CD209: variants seen among roughly 807,000 people sequenced by gnomAD.
The protein encoded by CD209 is CD209 molecule, also known as CD209 antigen.
A neutral mutation model predicts 44.7 loss-of-function variants in CD209; 31 were observed. The observed-to-expected ratio is 0.69, with a 90% CI of 0.52 to 0.94. The LOEUF (loss-of-function observed/expected upper bound fraction) is 0.94. CD209 is among the 40% of genes least tolerant of loss of function. CD209 has a pLI of 0.00. For synonymous variants in CD209, 173 were observed against 181.3 expected, an observed-to-expected ratio of 0.95 and a Z score of 0.37; for missense variants, 407 against 452.4, an observed-to-expected ratio of 0.90 and a Z score of 0.91.
chr19:7,741,474 G>C lies in CD209; in HGVS notation c.*1565C>G. 2 of 489,992 alleles carry C rather than the reference G, an allele frequency of 4.1e-6. No individual in the cohort carries two copies. Among genetic ancestry groups the C allele is most frequent in the Admixed American group, 5.2e-5 (2 of 38,308 alleles). 30.4% of individuals were successfully genotyped at this position (489,992 alleles called of 1,614,324 possible). Reference sequence around the variant, plus strand: ...GCCACTGCACTCCAGCCTGGCGACAGAGCAAGACCCCATCTTTAAAAAAAA... The same window carrying C: ...GCCACTGCACTCCAGCCTGGCGACACAGCAAGACCCCATCTTTAAAAAAAA... On this transcript the variant is annotated 3_prime_UTR_variant, in exon 7 of 7. Transcript: ENST00000315599.
Position 7,745,982 on chromosome 19 carries a change from G to T in CD209, c.284C>A (p.Ser95Tyr). The T allele has an allele frequency of 1.2e-6, 2 of 1,614,218 alleles. No individual in the cohort carries two copies. Among genetic ancestry groups the T allele is most frequent in the Non-Finnish European group, 1.7e-6 (2 of 1,180,036 alleles). Residue 95 changes from serine to tyrosine, a missense_variant, in exon 4 of 7, where the codon TCC becomes TAC. Physicochemically the swap from Ser to Tyr is moderately radical, Grantham distance 144. Around this residue, in one of 3 missense-constraint regions of CD209, gnomAD observed 122 missense variants for 110.3 expected, o/e 1.11. Transcript: ENST00000315599. ...KAAVGELSEK[S>Y]KLQEIYQELT... ...CTCCTGGTAGATCTCCTGCAGCTTG[G>T]ATTTCTCTGAGAGCTCACCCACTGC...
rs1206122617 is a variant in CD209 at position 7,745,514 on chromosome 19, T to C, written c.748+4A>G. On this transcript the variant is annotated splice_donor_region_variant and intron_variant, in intron 4 of 6. Transcript: ENST00000315599. ...CCCAAGAAGCCCTGGTTCCAGATACTCACCCACTGCAGCCTTCAGCTGGGT... is the reference window on the plus strand; with the variant it reads ...CCCAAGAAGCCCTGGTTCCAGATACCCACCCACTGCAGCCTTCAGCTGGGT... 2.5e-6 allele frequency: 4 copies of C among 1,612,298 alleles called. No homozygotes were observed. Among genetic ancestry groups the C allele is most frequent in the Non-Finnish European group, 3.4e-6 (4 of 1,179,838 alleles).
intron 5 of CD209, 96 bp downstream of exon 5, chr19:7,744,845 A>C: frequency 2.0e-6 from 3 of 1,522,392 alleles, no homozygotes; most frequent in Non-Finnish European, 2.7e-6. Flanking sequence ...CAAGTGGAGC[A>C]AAACCCCTCT....
In CD209 at chr19:7,743,119, T is replaced by C; in HGVS notation, c.1135A>G (p.Lys379Glu). 1 of 1,614,178 alleles carries C rather than the reference T, an allele frequency of 6.2e-7. No homozygotes were observed. The highest frequency in any genetic ancestry group is 8.5e-7 in the Non-Finnish European group (1 of 1,180,032). ...TCCCTGGAGCAGGAGGCTGCGGACT[T>C]TTTGCAGATCCAGAATTTGGCAAGA... ...CNLAKFWICK[K>E]SAASCSRDEE... The change falls in exon 7 of 7, where the codon AAG (lysine) becomes GAG (glutamate). Residue 379 changes from lysine (K) to glutamate (E), a missense_variant. Transcript: ENST00000315599.
rs1176827900 is a variant in CD209 at position 7,743,078 on chromosome 19, AAG to A, written c.1174_1175del (p.Leu392PhefsTer78). The A allele has an allele frequency of 1.2e-6, 2 of 1,613,940 alleles. No homozygotes were observed. Among genetic ancestry groups the A allele is most frequent in the Non-Finnish European group, 1.7e-6 (2 of 1,179,966 alleles). ...GGTTTGGGGTGGCAGGGGCTGGAGA[AAG>A]AAACTGTTCTTCATCCCTGGAGCAG... The part of the protein sequence containing the change: ...ASCSRDEEQF[L>X]SPAPATPNPP... On this transcript the variant is annotated frameshift_variant, in exon 7 of 7. Coordinates refer to ENST00000315599, the MANE Select transcript of CD209 (RefSeq NM_021155.4). LOFTEE classifies it low-confidence loss of function (END_TRUNC).
At position 7,745,990 on chromosome 19, in the gene CD209, T is replaced by G. The variant is rs1179633527; in HGVS notation, c.276A>C (p.Ser92=). The G allele has an allele frequency of 3.1e-6, 5 of 1,614,112 alleles. No homozygotes were observed. Among genetic ancestry groups the G allele is most frequent in the Non-Finnish European group, 4.2e-6 (5 of 1,180,044 alleles). ...AGATCTCCTGCAGCTTGGATTTCTC[T>G]GAGAGCTCACCCACTGCAGCTTTAA... ...TQLKAAVGEL[S]EKSKLQEIYQ... is the part of the protein sequence containing the mutation. The change falls in exon 4 of 7, where the codon TCA becomes TCC. Residue 92 remains serine, a synonymous_variant. Coordinates refer to ENST00000315599, the MANE Select transcript of CD209 (RefSeq NM_021155.4).
Position 7,741,754 on chromosome 19 carries a change from C to A in CD209, c.*1285G>T. On this transcript the variant is annotated 3_prime_UTR_variant, in exon 7 of 7. Transcript: ENST00000315599. ...AACAATGTCCAAGAGGAAAACACTG[C>A]AACTTTCTTCAGGTGTTGAGAAATC... The A allele has an allele frequency of 1.8e-6, 1 of 560,582 alleles. No individual in the cohort carries two copies. Among genetic ancestry groups the A allele is most frequent in the South Asian group, 1.5e-5 (1 of 66,546 alleles). 34.7% of individuals were successfully genotyped at this position (560,582 alleles called of 1,614,324 possible).
chr19:7,742,892 AG>A lies in CD209; in HGVS notation c.*146del. ...GGGCCAGAAAAACAAGCTCTACACC[AG>A]GGGAAATTGGAGGCATGACAAGAAG... On this transcript the variant is annotated 3_prime_UTR_variant, in exon 7 of 7. Coordinates refer to ENST00000315599, the MANE Select transcript of CD209 (RefSeq NM_021155.4). 1.5e-6 allele frequency: 1 copy of A among 688,958 alleles called. No homozygotes were observed. Among genetic ancestry groups the A allele is most frequent in the East Asian group, 2.6e-5 (1 of 38,592 alleles). 42.7% of individuals were successfully genotyped at this position (688,958 alleles called of 1,614,324 possible). A position where few individuals can be genotyped will look rare whatever the true frequency, so the allele number is the denominator to read the frequency against.
chr19:7,743,048 A>C lies in CD209; in HGVS notation c.1206T>G (p.Pro402=), dbSNP rs1259499176. 3.8e-6 allele frequency: 6 copies of C among 1,591,474 alleles called. No individual in the cohort carries two copies. Among genetic ancestry groups the C allele is most frequent in the Non-Finnish European group, 5.1e-6 (6 of 1,165,624 alleles). Residue 402 remains proline, a synonymous_variant, in exon 7 of 7, where the codon CCT becomes CCG. Transcript: ENST00000315599. ...AGGGGGTGAAGTTCTGCTACGCAGG[A>C]GGGGGGTTTGGGGTGGCAGGGGCTG... ...LSPAPATPNP[P]PA
chr19:7,744,946 C>T lies in CD209; in HGVS notation c.895G>A (p.Glu299Lys), dbSNP rs773126419. ...AQLVVIKSAEEQNFLQLQSSR... is the reference protein window; with the variant it reads ...AQLVVIKSAEKQNFLQLQSSR... Reference sequence around the variant, plus strand: ...GGGACCCCCACCAGGTGTACCTGCTCCTCAGCACTTTTGATTACGACGAGC... The same window carrying T: ...GGGACCCCCACCAGGTGTACCTGCTTCTCAGCACTTTTGATTACGACGAGC... Residue 299 changes from glutamate (E) to lysine (K), a missense_variant, in exon 5 of 7, where the codon GAG becomes AAG. Physicochemically the swap from Glu to Lys is moderately conservative, Grantham distance 56. Transcript: ENST00000315599. The T allele has an allele frequency of 1.2e-6, 2 of 1,614,204 alleles. No homozygotes were observed. The highest frequency in any genetic ancestry group is 1.7e-6 in the Non-Finnish European group (2 of 1,180,022).
chr19:7,742,723 T>G lies in CD209; in HGVS notation c.*316A>C. On this transcript the variant is annotated 3_prime_UTR_variant, in exon 7 of 7. Transcript: ENST00000315599. The stretch of plus-strand genomic sequence containing the variant: ...TGAACAGATGGTAGGTTTGCATGTA[T>G]AAGATAACGCCCCAGGGGACATAGC... 8.2e-6 allele frequency: 3 copies of G among 366,786 alleles called. No homozygotes were observed. Among genetic ancestry groups the G allele is most frequent in the Non-Finnish European group, 1.5e-5 (3 of 198,320 alleles). 22.7% of individuals were successfully genotyped at this position (366,786 alleles called of 1,614,324 possible). A position where few individuals can be genotyped will look rare whatever the true frequency, so the allele number is the denominator to read the frequency against.
rs774079703 is a variant in CD209 at position 7,743,196 on chromosome 19, T to G, written c.1058A>C (p.Glu353Ala). Residue 353 changes from glutamate (E) to alanine (A), a missense_variant, in exon 7 of 7, where the codon GAG becomes GCG. Transcript: ENST00000315599. ...GCCACTAAATTCCGCGCAGTCTTCCTCCCCAACGTTGTTGGGCTCTCCTCT... is the reference window on the plus strand; with the variant it reads ...GCCACTAAATTCCGCGCAGTCTTCCGCCCCAACGTTGTTGGGCTCTCCTCT... ...WNRGEPNNVG[E>A]EDCAEFSGNG... The G allele has an allele frequency of 1.9e-4, 299 of 1,613,990 alleles. No homozygotes were observed. The highest frequency in any genetic ancestry group is 2.4e-4 in the Non-Finnish European group (284 of 1,180,004).
chr19:7,747,061 C>T (rs2033860785), intron 2 of CD209, among the ~76,000 whole-genome samples: 1 of 152,006 alleles, frequency 6.6e-6, no homozygotes, highest in African/African-American at 2.4e-5. Context: ...CCCACCTCCC[C>T]AGGACCCAGG....
Position 7,745,925 on chromosome 19 carries a change from A to G in CD209, c.341T>C (p.Leu114Pro). 2 of 1,612,540 alleles carry G rather than the reference A, an allele frequency of 1.2e-6. No individual in the cohort carries two copies. Among genetic ancestry groups the G allele is most frequent in the Non-Finnish European group, 1.7e-6 (2 of 1,179,536 alleles). ...LTQLKAAVGE[L>P]PEKSKLQEIY... ...CTCCTGCAGCTTAGATTTCTCTGGAAGCTCACCCACTGCAGCCTTCAGCTG... is the reference window on the plus strand; with the variant it reads ...CTCCTGCAGCTTAGATTTCTCTGGAGGCTCACCCACTGCAGCCTTCAGCTG... The change falls in exon 4 of 7, where the codon CTT becomes CCT. Residue 114 changes from leucine (L) to proline (P), a missense_variant. Around this residue, in one of 3 missense-constraint regions of CD209, gnomAD observed 85 missense variants for 139.9 expected, o/e 0.61. Coordinates refer to ENST00000315599, the MANE Select transcript of CD209 (RefSeq NM_021155.4).
In CD209 at chr19:7,741,807, T is replaced by C; in HGVS notation, c.*1232A>G. On this transcript the variant is annotated 3_prime_UTR_variant, in exon 7 of 7. Transcript: ENST00000315599. ...ATAGAGACCTCTGCTTGTCTCCTCC[T>C]TTGGCAAGAGCTCCAAGGGGAGAGA... 2.0e-6 allele frequency: 1 copy of C among 502,122 alleles called. No individual in the cohort carries two copies. The highest frequency in any genetic ancestry group is 4.8e-5 in the East Asian group (1 of 20,770). 31.1% of individuals were successfully genotyped at this position (502,122 alleles called of 1,614,324 possible). A position where few individuals can be genotyped will look rare whatever the true frequency, so the allele number is the denominator to read the frequency against.
At chr19:7,745,182 T>G in intron 4 of CD209, 90 bp from the exon 5 acceptor site, 1 of 1,525,994 alleles carries the variant, frequency 6.6e-7, no homozygotes, top group Non-Finnish European at 9.0e-7. Flanking sequence ...AGAGTCAGAG[T>G]CCTTCCTTGA....
chr19:7,744,803 C>T, intron 5 of CD209, 138 bp downstream of exon 5: 1 of 1,207,938 alleles, frequency 8.3e-7, no homozygotes, highest in East Asian at 2.4e-5. Flanking sequence ...ACTTGAGACT[C>T]CCTCATTCAT....
rs1426070712 is a variant in CD209 at position 7,746,497 on chromosome 19, G to A, written c.141C>T (p.Leu47=). The change falls in exon 3 of 7, where the codon CTC becomes CTT. Residue 47 remains leucine (L), a synonymous_variant. Coordinates refer to ENST00000315599, the MANE Select transcript of CD209 (RefSeq NM_021155.4). ...GCCCAGCCAAGAGCGTGAAGGAGAG[G>A]AGTTGCAGCACCAGGGGACCATGGC... ...CLGHGPLVLQ[L]LSFTLLAGLL... 1 of 1,613,830 alleles carries A rather than the reference G, an allele frequency of 6.2e-7. No individual in the cohort carries two copies. Among genetic ancestry groups the A allele is most frequent in the Non-Finnish European group, 8.5e-7 (1 of 1,179,824 alleles).
chr19:7,744,320 C>CA, intron 5 of CD209, 101 bp from the exon 6 acceptor site: 7 of 883,116 alleles, frequency 7.9e-6, no homozygotes, highest in Non-Finnish European at 9.2e-6. Context: ...GGCTAACCTA[C>CA]AGCCTTCTGG....
Sources: allele counts gnomAD v4.1 joint callset (sites outside exome capture counted in the v4.1 genomes callset), GRCh38; gene constraint gnomAD v4.1.1; regional missense constraint gnomAD v4.1.1; transcripts MANE v1.5; gene names NCBI Gene and HGNC (gene_info 2026-07-23, HGNC 2026-07-21).